The following CCDC134 variants were observed in gnomAD, a reference collection of about 807,000 sequenced individuals.
CCDC134 encodes coiled-coil domain containing 134.
In CCDC134, 27 loss-of-function variants were observed where a neutral mutation model predicts 25.6. The observed-to-expected ratio is 1.05, with a 90% CI of 0.78 to 1.45. The LOEUF is 1.45. Among genes scored for constraint, CCDC134 ranks in the 40% most tolerant of loss-of-function variants. CCDC134 has a pLI of 0.00. For synonymous variants in CCDC134, 110 were observed against 115.0 expected (o/e 0.96, Z 0.28); for missense variants, 261 against 286.7 (o/e 0.91, Z 0.65).
intron 4 of CCDC134, among the ~76,000 whole-genome samples, chr22:41,811,530 G>A (rs76076486): frequency 2.6e-5 from 4 of 152,158 alleles, no homozygotes; most frequent in Non-Finnish European, 5.9e-5. Flanking sequence ...CCAGGTTCAA[G>A]TGATTCTTGT....
At chr22:41,802,425 C>T (rs2076548007) in intron 1 of CCDC134, among the ~76,000 whole-genome samples, 1 of 151,996 alleles carries the variant, frequency 6.6e-6, no homozygotes, top group Non-Finnish European at 1.5e-5. Flanking sequence ...GTGTCAAAAC[C>T]CTTGTAGTGG....
chr22:41,819,949 T>C (rs2076640602), intron 6 of CCDC134, among the ~76,000 whole-genome samples: 1 of 132,874 alleles, frequency 7.5e-6, no homozygotes, highest in Admixed American at 7.5e-5. Flanking sequence ...GAGAGCAGGC[T>C]GTGACTTACC....
intron 4 of CCDC134, 41 bp downstream of exon 4, chr22:41,810,332 G>T (rs760854164): frequency 1.3e-6 from 2 of 1,550,726 alleles, no homozygotes; most frequent in Non-Finnish European, 8.9e-7. Context: ...CGCACCACCC[G>T]ATCTTCTCTA....
chr22:41,802,921 TAAAAAATA>T (rs1003775596), intron 1 of CCDC134, among the ~76,000 whole-genome samples: 3 of 135,800 alleles, frequency 2.2e-5, no homozygotes, highest in African/African-American at 5.7e-5. Context: ...CTCAAAAAAA[TAAAAAATA>T]AAAAAATAAA....
chr22:41,809,141 G>A (rs571527924), intron 2 of CCDC134, 148 bp downstream of exon 2: 1 of 638,036 alleles, frequency 1.6e-6, no homozygotes, highest in African/African-American at 1.8e-5. Context: ...GAGCAAGTCA[G>A]GTCTCTCCGG....
At chr22:41,807,196 A>C (rs1335202731) in intron 1 of CCDC134, among the ~76,000 whole-genome samples, 1 of 152,216 alleles carries the variant, frequency 6.6e-6, no homozygotes, top group Non-Finnish European at 1.5e-5. Flanking sequence ...ACTAGAGGAA[A>C]ACATTGTTTT....
Position 41,810,833 on chromosome 22 carries a change from A to G in CCDC134, c.310+542A>G, listed in dbSNP as rs369805648. Among the ~76,000 whole-genome samples, 14 of 152,228 alleles carry G rather than the reference A, an allele frequency of 9.2e-5. No individual in the cohort carries two copies. The South Asian group carries it at 2.9e-3, about 32-fold the overall frequency. ...TAGATTACACTGAGAGGATGCGGACAGCTCTTATATATTAAATAGTAGATA... is the reference window on the plus strand; with the variant it reads ...TAGATTACACTGAGAGGATGCGGACGGCTCTTATATATTAAATAGTAGATA... On this transcript the variant is annotated intron_variant, in intron 4 of 6. Coordinates refer to ENST00000255784, the MANE Select transcript of CCDC134 (RefSeq NM_024821.5).
intron 6 of CCDC134, among the ~76,000 whole-genome samples, chr22:41,815,304 C>G (rs1475231950): frequency 6.8e-6 from 1 of 146,564 alleles, no homozygotes; most frequent in African/African-American, 2.6e-5. Flanking sequence ...CTCCTGGGTT[C>G]ACGCCATTCT....
chr22:41,815,818 T>C (rs886700478), intron 6 of CCDC134, among the ~76,000 whole-genome samples: 2 of 151,976 alleles, frequency 1.3e-5, no homozygotes, highest in African/African-American at 4.8e-5. Flanking sequence ...GGCTAATTAA[T>C]TTATTATTTT....
At position 41,806,200 on chromosome 22, in the gene CCDC134, T is replaced by G. The variant is rs2076566601; in HGVS notation, c.-16-2675T>G. Among the ~76,000 whole-genome samples the G allele has an allele frequency of 2.6e-5, 4 of 151,594 alleles. 1 individual carries two copies. The South Asian group carries it at 8.3e-4, about 32-fold the overall frequency. On this transcript the variant is annotated intron_variant, in intron 1 of 6. Transcript: ENST00000255784. ...AACAACCATGGTTGAAAATCTTTTT[T>G]TTTTAGGCGACTAATTTTTTTTTTT...
Position 41,830,245 on chromosome 22 carries a change from G to C in CCDC134, c.*4422G>C, listed in dbSNP as rs2076699085. The stretch of plus-strand genomic sequence containing the variant: ...AGGGAAAATATCAGTGCTTCCTGAG[G>C]TTCGGGTCCAGCCACCCTTCTTCCA... On this transcript the variant is annotated 3_prime_UTR_variant, in exon 7 of 7. Transcript: ENST00000255784. Among the ~76,000 whole-genome samples, 1 of 152,210 alleles carries C rather than the reference G, an allele frequency of 6.6e-6. No homozygotes were observed.
chr22:41,825,845 AG>A lies in CCDC134; in HGVS notation c.*27del, dbSNP rs767192822. 2 of 1,612,270 alleles carry A rather than the reference AG, an allele frequency of 1.2e-6. No homozygotes were observed. Among genetic ancestry groups the A allele is most frequent in the South Asian group, 1.1e-5 (1 of 91,030 alleles). ...ATAGCCCTGGAGCAGCTCAGGGCTC[AG>A]GGGGCCACAAGGAGGCAGGTCGGGA... On this transcript the variant is annotated 3_prime_UTR_variant, in exon 7 of 7. Transcript: ENST00000255784. This position sits in a 1 kb window ranked among gnomAD's most constrained non-coding sequence, Gnocchi z 4.4.
intron 2 of CCDC134, among the ~76,000 whole-genome samples, chr22:41,809,650 T>C (rs1569354417): frequency 6.6e-6 from 1 of 152,108 alleles, no homozygotes; most frequent in Admixed American, 6.5e-5. Context: ...GAGCCAGGTC[T>C]GGAGGCTTGG....
chr22:41,819,744 G>A (rs553730553), intron 6 of CCDC134, among the ~76,000 whole-genome samples: 2 of 151,944 alleles, frequency 1.3e-5, no homozygotes, highest in Admixed American at 1.3e-4. Flanking sequence ...TGAATTATCT[G>A]AAGGAGATGA....
chr22:41,824,487 G>A (rs8137791), intron 6 of CCDC134, among the ~76,000 whole-genome samples: 47,266 of 152,162 alleles, frequency 0.31, 11,513 homozygotes, highest in African/African-American at 0.65. Flanking sequence ...TCCATCCGGC[G>A]CAGTGGCTCA....
chr22:41,815,999 T>C (rs960733840), intron 6 of CCDC134, among the ~76,000 whole-genome samples: 3 of 152,140 alleles, frequency 2.0e-5, no homozygotes, highest in Non-Finnish European at 4.4e-5. Context: ...GCTGTGAAGG[T>C]CCTGGAGGAC....
chr22:41,824,853 T>G (rs919733293), intron 6 of CCDC134, among the ~76,000 whole-genome samples: 1 of 152,052 alleles, frequency 6.6e-6, no homozygotes, highest in African/African-American at 2.4e-5. Flanking sequence ...GGGAGGCCCC[T>G]AGAGTCATCC....
intron 1 of CCDC134, among the ~76,000 whole-genome samples, chr22:41,807,244 G>A (rs991205379): frequency 1.3e-5 from 2 of 152,246 alleles, no homozygotes; most frequent in East Asian, 1.9e-4. Flanking sequence ...GTGTCAGGCC[G>A]TAACAGCAGA....
At chr22:41,811,520 C>T (rs2076596338) in intron 4 of CCDC134, among the ~76,000 whole-genome samples, 2 of 152,238 alleles carry the variant, frequency 1.3e-5, no homozygotes, top group Admixed American at 1.3e-4. Context: ...CCTCTGCCTC[C>T]CAGGTTCAAG....
Sources: allele counts gnomAD v4.1 joint callset (sites outside exome capture counted in the v4.1 genomes callset), GRCh38; gene constraint gnomAD v4.1.1; non-coding constraint Gnocchi (gnomAD v3.1); transcripts MANE v1.5; gene names NCBI Gene and HGNC (gene_info 2026-07-23, HGNC 2026-07-21).